The following SOX5 variants were observed in gnomAD, a reference collection of about 807,000 sequenced individuals.
The protein encoded by SOX5 is SRY-box transcription factor 5.
A neutral mutation model predicts 92.0 loss-of-function variants in SOX5; 9 were observed. The ratio of observed to expected loss-of-function variants is 0.10; its 90% CI spans 0.06 to 0.17. SOX5 has a LOEUF of 0.17. Among genes scored for constraint, SOX5 ranks in the 10% least tolerant of loss-of-function variants. The probability of loss-of-function intolerance (pLI) is 1.00; values close to 1 mark genes in which losing one functional copy is unlikely to be tolerated. For synonymous variants in SOX5, 344 were observed against 336.3 expected (o/e 1.02, Z -0.25); for missense variants, 642 against 944.5 (o/e 0.68, Z 4.20).
At chr12:23,917,295 C>A (rs909566333) in intron 1 of SOX5, among the ~76,000 whole-genome samples, 1 of 152,108 alleles carries the variant, frequency 6.6e-6, no homozygotes. Flanking sequence ...AATCCTAGCA[C>A]TTTGGGAGGC....
At chr12:23,618,055 C>T (rs2076776991) in intron 8 of SOX5, among the ~76,000 whole-genome samples, 1 of 152,156 alleles carries the variant, frequency 6.6e-6, no homozygotes, top group Admixed American at 6.6e-5. Flanking sequence ...GGAGGATGAA[C>T]ACTCTGCATC....
At chr12:23,813,992 T>G (rs2095932658) in intron 3 of SOX5, among the ~76,000 whole-genome samples, 1 of 152,160 alleles carries the variant, frequency 6.6e-6, no homozygotes, top group African/African-American at 2.4e-5. Flanking sequence ...ATAATGAATT[T>G]TCAGACGAAA....
chr12:23,792,659 A>AAAAAAAAAAAAC (rs2095496767), intron 3 of SOX5, among the ~76,000 whole-genome samples: 3 of 132,460 alleles, frequency 2.3e-5, no homozygotes, highest in African/African-American at 8.2e-5. Context: ...AAAAAAAAAA[A>AAAAAAAAAAAAC]AAACTTGGAC....
chr12:24,258,644 G>A (rs1941616797), intron 3 of SOX5, among the ~76,000 whole-genome samples: 1 of 152,112 alleles, frequency 6.6e-6, no homozygotes, highest in African/African-American at 2.4e-5. Flanking sequence ...TAAGGTCTAT[G>A]GAATTGTGGA....
intron 4 of SOX5, among the ~76,000 whole-genome samples, chr12:23,998,071 C>G (rs974016932): frequency 6.6e-6 from 1 of 151,988 alleles, no homozygotes; most frequent in Admixed American, 6.6e-5. Flanking sequence ...GTGACCCAAA[C>G]ACAGGGGAAA....
At chr12:23,750,954 C>A (rs1725526914) in intron 4 of SOX5, among the ~76,000 whole-genome samples, 1 of 151,886 alleles carries the variant, frequency 6.6e-6, no homozygotes, top group African/African-American at 2.4e-5. Flanking sequence ...AATGTACTCA[C>A]TCTTTGCTTT....
At chr12:23,903,443 G>A (rs1199160683) in intron 1 of SOX5, among the ~76,000 whole-genome samples, 1 of 152,142 alleles carries the variant, frequency 6.6e-6, no homozygotes, top group African/African-American at 2.4e-5. Flanking sequence ...AATTAGCCGG[G>A]TATGATGGCC....
At chr12:23,616,409 A>G (rs2076560132) in intron 8 of SOX5, among the ~76,000 whole-genome samples, 1 of 152,208 alleles carries the variant, frequency 6.6e-6, no homozygotes, top group Non-Finnish European at 1.5e-5. Flanking sequence ...GATTGGGGAA[A>G]GGTGCCTAGA....
At chr12:24,258,331 T>C (rs1401278171) in intron 3 of SOX5, among the ~76,000 whole-genome samples, 1 of 152,238 alleles carries the variant, frequency 6.6e-6, no homozygotes, top group Non-Finnish European at 1.5e-5. Context: ...GGTTTACCTT[T>C]GAGCAGCAAT....
intron 3 of SOX5, among the ~76,000 whole-genome samples, chr12:23,839,889 G>A (rs905232048): frequency 6.7e-6 from 1 of 148,728 alleles, no homozygotes; most frequent in African/African-American, 2.5e-5. Context: ...GTGAGAATTA[G>A]ATGCTTTCCC....
At chr12:24,478,945 C>T (rs904677122) in intron 1 of SOX5, among the ~76,000 whole-genome samples, 12 of 152,236 alleles carry the variant, frequency 7.9e-5, no homozygotes, top group African/African-American at 2.4e-4. Flanking sequence ...TGACAAATAA[C>T]ATCCAGCTTA....
At chr12:23,567,391 T>A (rs1166641892) in intron 10 of SOX5, among the ~76,000 whole-genome samples, 1 of 151,592 alleles carries the variant, frequency 6.6e-6, no homozygotes, top group Non-Finnish European at 1.5e-5. Context: ...TTGGAAAATG[T>A]GGGTTAGAAA....
At chr12:24,032,695 C>G (rs1476857040) in intron 4 of SOX5, among the ~76,000 whole-genome samples, 1 of 151,788 alleles carries the variant, frequency 6.6e-6, no homozygotes, top group Non-Finnish European at 1.5e-5. Context: ...AACTACTAAA[C>G]TCGGTGGGAA....
At chr12:24,229,296 GC>G (rs1424486200) in intron 3 of SOX5, among the ~76,000 whole-genome samples, 11 of 152,196 alleles carry the variant, frequency 7.2e-5, no homozygotes, top group Non-Finnish European at 1.6e-4. Flanking sequence ...GCACTAAATA[GC>G]CCCGGTTTGA....
chr12:23,702,100 C>T (rs998536479), intron 6 of SOX5, among the ~76,000 whole-genome samples: 2 of 152,040 alleles, frequency 1.3e-5, no homozygotes, highest in Non-Finnish European at 2.9e-5. Context: ...GAAACAGATT[C>T]ATATCTCTTA....
intron 4 of SOX5, among the ~76,000 whole-genome samples, chr12:23,965,307 T>C (rs1254493334): frequency 1.3e-5 from 2 of 152,202 alleles, no homozygotes; most frequent in Non-Finnish European, 2.9e-5. Context: ...CTGGGTGGCC[T>C]GCACTACGTT....
intron 3 of SOX5, among the ~76,000 whole-genome samples, chr12:24,233,735 A>G (rs892693867): frequency 6.6e-6 from 1 of 152,246 alleles, no homozygotes; most frequent in African/African-American, 2.4e-5. Flanking sequence ...ATTTGTCCCT[A>G]TTGGGATATG....
intron 4 of SOX5, among the ~76,000 whole-genome samples, chr12:24,196,447 A>G (rs1335194325): frequency 6.6e-6 from 1 of 152,246 alleles, no homozygotes; most frequent in Non-Finnish European, 1.5e-5. Context: ...CAGGTCTTGT[A>G]TATACAACAG....
At chr12:23,816,114 A>T (rs924165080) in intron 3 of SOX5, among the ~76,000 whole-genome samples, 2 of 151,960 alleles carry the variant, frequency 1.3e-5, no homozygotes, top group Non-Finnish European at 2.9e-5. Context: ...ATACAATACT[A>T]CGCTGAGGTA....
Sources: gnomAD v4.1 joint callset for allele counts (sites outside exome capture counted in the v4.1 genomes callset) on GRCh38, gnomAD v4.1.1 for gene constraint, MANE v1.5 for transcripts, NCBI Gene and HGNC (gene_info 2026-07-23, HGNC 2026-07-21) for gene names.